VPS37B: variants seen among roughly 807,000 people sequenced by gnomAD.
VPS37B encodes vacuolar protein sorting-associated protein 37B.
A neutral mutation model predicts 21.2 loss-of-function variants in VPS37B; 11 were observed. The ratio of observed to expected loss-of-function variants is 0.52; its 90% CI spans 0.33 to 0.86. The LOEUF (loss-of-function observed/expected upper bound fraction) is 0.86, where lower values mean the gene tolerates loss of function less well. Among genes scored for constraint, VPS37B ranks in the 40% least tolerant of loss-of-function variants. VPS37B has a pLI of 0.03. For synonymous variants in VPS37B, 175 were observed against 159.6 expected, an observed-to-expected ratio of 1.10 and a Z score of -0.73; for missense variants, 389 against 374.8, an observed-to-expected ratio of 1.04 and a Z score of -0.31.
rs149393060 is a variant in VPS37B at position 122,868,023 on chromosome 12, G to A, written c.367-416C>T. Among the ~76,000 whole-genome samples, 5 of 152,284 alleles carry A rather than the reference G, an allele frequency of 3.3e-5. No individual in the cohort carries two copies. The highest frequency in any genetic ancestry group is 7.2e-5 in the African/African-American group (3 of 41,564). ...TGCCCCCAGGGCTTCAGAGTTCATC[G>A]AGCCCAGCCCTATCTTGGCAAGACC... On this transcript the variant is annotated intron_variant, in intron 3 of 3. Transcript: ENST00000267202. This position sits in a 1 kb window ranked among gnomAD's most constrained non-coding sequence, Gnocchi z 5.5.
At chr12:122,895,813 C>T in intron 1 of VPS37B, 139 bp downstream of exon 1, 7 of 709,436 alleles carry the variant, frequency 9.9e-6, no homozygotes, top group Non-Finnish European at 1.6e-5. Context: ...CCGCACCCCG[C>T]CCCAAGCGCC....
chr12:122,888,784 G>T, intron 1 of VPS37B: 1 of 321,936 alleles, frequency 3.1e-6, no homozygotes, highest in Admixed American at 4.1e-5. Context: ...AGCTCCTAGT[G>T]GCCTTTCAAA....
intron 1 of VPS37B, among the ~76,000 whole-genome samples, chr12:122,891,269 CA>C (rs2034407140): frequency 6.6e-6 from 1 of 152,206 alleles, no homozygotes; most frequent in African/African-American, 2.4e-5. Context: ...TCATCTAAGC[CA>C]GTCTACATAT....
chr12:122,893,583 T>C (rs914105726), intron 1 of VPS37B, among the ~76,000 whole-genome samples: 2 of 152,124 alleles, frequency 1.3e-5, no homozygotes, highest in African/African-American at 4.8e-5. Flanking sequence ...TCGGTTCACA[T>C]TACACCCATT....
At chr12:122,871,608 C>T (rs2034035728) in intron 1 of VPS37B, 1 of 985,496 alleles carries the variant, frequency 1.0e-6, no homozygotes, top group Non-Finnish European at 1.2e-6. Flanking sequence ...CATGCCCACC[C>T]CAGCTCTTCT....
chr12:122,867,237 CG>C lies in VPS37B; in HGVS notation c.736del (p.Arg246AlafsTer91). 13 of 1,511,162 alleles carry C rather than the reference CG, an allele frequency of 8.6e-6. No individual in the cohort carries two copies. The highest frequency in any genetic ancestry group is 4.2e-5 in the Admixed American group (2 of 47,894). The allele number at this position is 1,511,162 out of a possible 1,614,324, so 93.6% of individuals were successfully genotyped here. A position where few individuals can be genotyped will look rare whatever the true frequency, so the allele number is the denominator to read the frequency against. ...PGLQCPPLPP[R>X]VGLPTQQGFS... The stretch of plus-strand genomic sequence containing the variant: ...TCCTTGCTGAGTGGGGAGGCCCACG[CG>C]GGGGGGCAGGGGCGGGCACTGTAAT... On this transcript the variant is annotated frameshift_variant, in exon 4 of 4. Coordinates refer to ENST00000267202, the MANE Select transcript of VPS37B (RefSeq NM_024667.3). LOFTEE classifies it high-confidence loss of function. The surrounding 1 kb of genome is among the most constrained non-coding windows in gnomAD (Gnocchi z 5.5).
chr12:122,872,670 A>T, intron 1 of VPS37B: 1 of 985,432 alleles, frequency 1.0e-6, no homozygotes, highest in Non-Finnish European at 1.2e-6. Flanking sequence ...TTGTTAAGTC[A>T]TTTAAAAGAA....
chr12:122,866,847 T>G lies in VPS37B; in HGVS notation c.*269A>C. 2.6e-6 allele frequency: 1 copy of G among 387,284 alleles called. No homozygotes were observed. 24.0% of individuals were successfully genotyped at this position (387,284 alleles called of 1,614,324 possible). A position where few individuals can be genotyped will look rare whatever the true frequency, so the allele number is the denominator to read the frequency against. Reference sequence around the variant, plus strand: ...CTATTTCTTCCCAAACATGAGTTCATCAACGCTAAGATACTTAGAAATCAC... The same window carrying G: ...CTATTTCTTCCCAAACATGAGTTCAGCAACGCTAAGATACTTAGAAATCAC... On this transcript the variant is annotated 3_prime_UTR_variant, in exon 4 of 4. Coordinates refer to ENST00000267202, the MANE Select transcript of VPS37B (RefSeq NM_024667.3).
At chr12:122,877,749 C>A (rs1419080300) in intron 1 of VPS37B, 6 of 152,236 alleles carry the variant, frequency 3.9e-5, no homozygotes, top group African/African-American at 1.2e-4. Context: ...AGAGCTAGAC[C>A]CTTAGTGGTG....
chr12:122,894,829 G>A (rs771273874), intron 1 of VPS37B, among the ~76,000 whole-genome samples: 6 of 152,186 alleles, frequency 3.9e-5, no homozygotes, highest in African/African-American at 1.4e-4. Flanking sequence ...ATGCCTTCCA[G>A]GGGCTGGGCA....
rs985436155 is a variant in VPS37B, at chr12:122,868,143, C to A, written c.366+337G>T. ...CTCAAGGCTCTAATGCGCAGCTGGA[C>A]GTGTCCCAGAAGCTCTGTAGCCTCC... On this transcript the variant is annotated intron_variant, in intron 3 of 3. Transcript: ENST00000267202. The surrounding 1 kb of genome is among the most constrained non-coding windows in gnomAD (Gnocchi z 5.5). Among the ~76,000 whole-genome samples, 1 of 152,222 alleles carries A rather than the reference C, an allele frequency of 6.6e-6. No homozygotes were observed. Among genetic ancestry groups the A allele is most frequent in the South Asian group, 2.1e-4 (1 of 4,832 alleles).
Position 122,871,067 on chromosome 12 carries a change from AG to A in VPS37B, c.112-7del, listed in dbSNP as rs1192599794. The stretch of plus-strand genomic sequence containing the variant: ...TTAAGCTGAACATTCTGTGTCTGCA[AG>A]GAACACACAAGATGATGAGAACCAA... On this transcript the variant is annotated splice_region_variant and splice_polypyrimidine_tract_variant and intron_variant, in intron 1 of 3. Transcript: ENST00000267202. The A allele has an allele frequency of 4.3e-6, 7 of 1,613,584 alleles. No individual in the cohort carries two copies. Among genetic ancestry groups the A allele is most frequent in the Non-Finnish European group, 5.9e-6 (7 of 1,179,670 alleles).
At chr12:122,880,167 T>C (rs1047986708) in intron 1 of VPS37B, 2 of 152,244 alleles carry the variant, frequency 1.3e-5, no homozygotes, top group Non-Finnish European at 2.9e-5. Flanking sequence ...GTGAAAATCC[T>C]GCTAAGCTTT....
intron 1 of VPS37B, among the ~76,000 whole-genome samples, chr12:122,894,930 C>T (rs7980541): frequency 0.8 from 121,013 of 152,046 alleles, 49,249 homozygotes; most frequent in Middle Eastern, 0.9. Context: ...CTTCCTTAGT[C>T]CCAGACACGT....
At chr12:122,875,908 A>T (rs1342451056) in intron 1 of VPS37B, 3 of 152,192 alleles carry the variant, frequency 2.0e-5, no homozygotes, top group African/African-American at 7.2e-5. Context: ...AGGCACCAAC[A>T]GATACCTGAA....
intron 1 of VPS37B, chr12:122,879,962 T>A (rs2034220254): frequency 6.6e-6 from 1 of 152,020 alleles, no homozygotes; most frequent in African/African-American, 2.4e-5. Context: ...CTACAAAAAT[T>A]AGCCAGGCAT....
intron 1 of VPS37B, chr12:122,872,695 T>C (rs1230476833): frequency 4.1e-6 from 4 of 985,012 alleles, no homozygotes; most frequent in Admixed American, 6.1e-5. Flanking sequence ...CAAAAACCAC[T>C]GTATGGCCAC....
rs1023061543 is a variant in VPS37B, at chr12:122,883,802, A to T, written c.111+12150T>A. 4.1e-4 allele frequency: 63 copies of T among 152,268 alleles called. 1 individual carries two copies. The highest frequency in any genetic ancestry group is 8.8e-5 in the Non-Finnish European group (6 of 68,062). 9.4% of individuals were successfully genotyped at this position (152,268 alleles called of 1,614,324 possible). On this transcript the variant is annotated intron_variant, in intron 1 of 3. Transcript: ENST00000267202. ...CCAGAAGACATATTTTCTAATACTC[A>T]GAGGAAAAACAAGCTCTCCCTTCTT...
At chr12:122,889,061 C>T (rs1449068012) in intron 1 of VPS37B, 2 of 159,578 alleles carry the variant, frequency 1.3e-5, no homozygotes, top group African/African-American at 4.8e-5. Flanking sequence ...CACTCAGCAG[C>T]ACTACCCAGG....
Sources: gnomAD v4.1 joint callset for allele counts (sites outside exome capture counted in the v4.1 genomes callset) on GRCh38, gnomAD v4.1.1 for gene constraint, Gnocchi (gnomAD v3.1) non-coding constraint, MANE v1.5 for transcripts, NCBI Gene and HGNC (gene_info 2026-07-23, HGNC 2026-07-21) for gene names.